Variants in ANKRD17 observed in about 807,000 individuals in gnomAD.
ANKRD17 encodes the protein ankyrin repeat domain-containing protein 17.
Under a neutral mutation model 229.7 loss-of-function variants are expected in ANKRD17, and 19 were observed. The ratio of observed to expected loss-of-function variants is 0.08; its 90% CI spans 0.06 to 0.12. The LOEUF is 0.12. Ranked by LOEUF, ANKRD17 falls within the 10% of genes least tolerant of loss-of-function variation. ANKRD17 has a pLI of 1.00. For synonymous variants in ANKRD17, 1,112 were observed against 1,146.1 expected (o/e 0.97, Z 0.60); for missense variants, 2,176 against 3,176.8 (o/e 0.68, Z 7.57).
At chr4:73,231,015 T>C (rs1399224084) in intron 1 of ANKRD17, among the ~76,000 whole-genome samples, 1 of 152,220 alleles carries the variant, frequency 6.6e-6, no homozygotes, top group South Asian at 2.1e-4. Context: ...AGAAATTACT[T>C]ATTTCAATGT....
intron 24 of ANKRD17, chr4:73,113,067 C>A (rs1053778834): frequency 8.6e-7 from 1 of 1,165,856 alleles, no homozygotes; most frequent in African/African-American, 1.6e-5. Flanking sequence ...GGAATACAGG[C>A]GTGAGCTACT....
At chr4:73,202,097 C>T (rs1738744541) in intron 1 of ANKRD17, among the ~76,000 whole-genome samples, 1 of 151,996 alleles carries the variant, frequency 6.6e-6, no homozygotes, top group South Asian at 2.1e-4. Flanking sequence ...TCTACTTTAG[C>T]ATAATTCTCT....
At position 73,250,688 on chromosome 4, in the gene ANKRD17, TTTGTTGTTGTTGTTG is replaced by T. The variant is rs537285641; in HGVS notation, c.393+7573_393+7587del. On this transcript the variant is annotated intron_variant, in intron 1 of 33. Transcript: ENST00000358602. ...GAATTCCTCAAGTACTGTAACGGTT[TTTGTTGTTGTTGTTG>T]TTGTTGTTGTTGTTGTTGCTTGAGA... Among the ~76,000 whole-genome samples, 9 of 148,706 alleles carry T rather than the reference TTTGTTGTTGTTGTTG, an allele frequency of 6.1e-5. 1 individual carries two copies. Among genetic ancestry groups the T allele is most frequent in the South Asian group, 4.3e-4 (2 of 4,656 alleles).
chr4:73,116,503 C>T (rs2148672579), intron 22 of ANKRD17, among the ~76,000 whole-genome samples: 1 of 152,288 alleles, frequency 6.6e-6, no homozygotes, highest in South Asian at 2.1e-4. Flanking sequence ...CTAGCCCATA[C>T]TGTTGCTTTC....
chr4:73,187,984 A>C (rs376474629), intron 1 of ANKRD17, among the ~76,000 whole-genome samples: 3 of 152,208 alleles, frequency 2.0e-5, no homozygotes, highest in African/African-American at 7.2e-5. Flanking sequence ...TAATACTTAT[A>C]TTTCATAGTG....
At chr4:73,078,182 T>A (rs1311148133) in intron 31 of ANKRD17, among the ~76,000 whole-genome samples, 1 of 152,034 alleles carries the variant, frequency 6.6e-6, no homozygotes, top group Non-Finnish European at 1.5e-5. Flanking sequence ...ATCGTGACCA[T>A]CCTGGCTAAC....
At chr4:73,124,440 T>G (rs1231644803) in intron 18 of ANKRD17, among the ~76,000 whole-genome samples, 1 of 152,174 alleles carries the variant, frequency 6.6e-6, no homozygotes, top group African/African-American at 2.4e-5. Flanking sequence ...CCATCTTATC[T>G]GAGAACCTTT....
At chr4:73,100,814 G>C in intron 25 of ANKRD17, 2 of 980,114 alleles carry the variant, frequency 2.0e-6, no homozygotes, top group Non-Finnish European at 2.4e-6. Flanking sequence ...GCTGGAGAAG[G>C]GAAATTAAAA....
At chr4:73,245,307 G>A (rs1002362363) in intron 1 of ANKRD17, among the ~76,000 whole-genome samples, 3 of 152,194 alleles carry the variant, frequency 2.0e-5, no homozygotes, top group Non-Finnish European at 2.9e-5. Flanking sequence ...TCTAGGTACT[G>A]CTGTGAGGGG....
In ANKRD17 at chr4:73,098,113, T is replaced by C; in HGVS notation, c.4981A>G (p.Lys1661Glu). 1 of 1,607,384 alleles carries C rather than the reference T, an allele frequency of 6.2e-7. No homozygotes were observed. The highest frequency in any genetic ancestry group is 1.1e-5 in the South Asian group (1 of 89,808). The change falls in exon 26 of 34, where the codon AAG (lysine) becomes GAG (glutamate). Residue 1661 changes from lysine (K) to glutamate (E), a missense_variant. Lys to Glu is a moderately conservative substitution (Grantham distance 56, BLOSUM62 1). This residue lies in a region of ANKRD17 where 98 missense variants were observed against 101.0 expected (regional missense o/e 0.97). Coordinates refer to ENST00000358602, the MANE Select transcript of ANKRD17 (RefSeq NM_032217.5). ...KQPSVLVTFP[K>E]EERKSVSGKA... ...CCAGAAACAGATTTTCTCTCTTCCT[T>C]TGGAAATGTAACAAGAACTGATGGC...
At chr4:73,144,608 C>A in intron 11 of ANKRD17, 137 bp downstream of exon 11, 2 of 461,282 alleles carry the variant, frequency 4.3e-6, no homozygotes, top group East Asian at 6.8e-5. Context: ...CAACTATCCA[C>A]TCAATCATTA....
chr4:73,160,312 A>G (rs1560622493), intron 3 of ANKRD17, among the ~76,000 whole-genome samples: 1 of 140,702 alleles, frequency 7.1e-6, no homozygotes, highest in Non-Finnish European at 1.5e-5. Flanking sequence ...TCTGCCTCCC[A>G]GGTTCAAGCG....
Position 73,258,436 on chromosome 4 carries a change from C to T in ANKRD17, c.233G>A (p.Arg78Gln), listed in dbSNP as rs768309967. The T allele has an allele frequency of 7.5e-6, 12 of 1,610,062 alleles. No homozygotes were observed. The highest frequency in any genetic ancestry group is 1.0e-5 in the Non-Finnish European group (12 of 1,179,152). Residue 78 changes from arginine to glutamine, a missense_variant, in exon 1 of 34, where the codon CGG (arginine) becomes CAG (glutamine). Arg to Gln is a conservative substitution (Grantham distance 43). Coordinates refer to ENST00000358602, the MANE Select transcript of ANKRD17 (RefSeq NM_032217.5). ...GCTGCTGCTGGGGGGTCGGCAAGTC[C>T]GGTTACGCTTGGCCTTGTGGTGCTG... ...QQQHHKAKRN[R>Q]TCRPPSSSES...
intron 15 of ANKRD17, among the ~76,000 whole-genome samples, chr4:73,138,505 T>A (rs940149486): frequency 6.6e-6 from 1 of 151,926 alleles, no homozygotes; most frequent in Middle Eastern, 3.2e-3. Context: ...ATTTAAAAGA[T>A]GAAACTTAAA....
intron 6 of ANKRD17, 83 bp downstream of exon 6, chr4:73,153,797 T>C (rs1731308248): frequency 2.0e-6 from 2 of 1,020,416 alleles, no homozygotes; most frequent in Admixed American, 6.4e-5. Flanking sequence ...TGTTTTATTT[T>C]TTAACTTAGA....
At chr4:73,101,184 A>G (rs1723933345) in intron 25 of ANKRD17, 2 of 962,794 alleles carry the variant, frequency 2.1e-6, no homozygotes, top group East Asian at 1.2e-4. Context: ...CTGTGGATAT[A>G]AAGGGACAGG....
chr4:73,258,178 AC>A, intron 1 of ANKRD17, 97 bp downstream of exon 1: 1 of 1,574,082 alleles, frequency 6.4e-7, no homozygotes, highest in Non-Finnish European at 8.6e-7. Context: ...TAAGAGATCA[AC>A]CCACTGGAAT....
At chr4:73,112,942 C>T (rs561325363) in intron 24 of ANKRD17, 26 of 398,126 alleles carry the variant, frequency 6.5e-5, no homozygotes, top group African/African-American at 5.4e-4. Flanking sequence ...CATGCACCAC[C>T]ACGTCCGGCT....
intron 22 of ANKRD17, among the ~76,000 whole-genome samples, chr4:73,117,552 T>C (rs1212687387): frequency 6.6e-6 from 1 of 152,046 alleles, no homozygotes; most frequent in Non-Finnish European, 1.5e-5. Context: ...GAAACAAAAA[T>C]ATAGAGAGTC....
Sources: gnomAD v4.1 joint callset for allele counts (sites outside exome capture counted in the v4.1 genomes callset) on GRCh38, gnomAD v4.1.1 for gene constraint, gnomAD v4.1.1 regional missense constraint, MANE v1.5 for transcripts, NCBI Gene and HGNC (gene_info 2026-07-23, HGNC 2026-07-21) for gene names.